The following ABCC9 variants were observed in gnomAD, a reference collection of about 807,000 sequenced individuals.
The protein encoded by ABCC9 is ATP binding cassette subfamily C member 9.
A neutral mutation model predicts 188.3 loss-of-function variants in ABCC9; 95 were observed. That is an observed-to-expected ratio of 0.50 (90% CI 0.43 to 0.60). The LOEUF is 0.60. Among genes scored for constraint, ABCC9 ranks in the 20% least tolerant of loss-of-function variants. The pLI is 0.00. For synonymous variants in ABCC9, 659 were observed against 652.7 expected, an observed-to-expected ratio of 1.01 and a Z score of -0.15; for missense variants, 1,102 against 1,876.3, an observed-to-expected ratio of 0.59 and a Z score of 7.62.
At chr12:21,917,233 GGT>G (rs1368346637) in intron 5 of ABCC9, 130 bp from the exon 6 acceptor site, 14 of 963,372 alleles carry the variant, frequency 1.5e-5, no homozygotes, top group Admixed American at 2.1e-5. Context: ...GGTTTTACTT[GGT>G]AAGAAAACAA....
intron 10 of ABCC9, 30 bp from the exon 11 acceptor site, chr12:21,908,241 G>T: frequency 1.2e-6 from 2 of 1,610,678 alleles, no homozygotes; most frequent in Non-Finnish European, 1.7e-6. Context: ...GAAAAGAGAA[G>T]ATGAATGGGT....
At chr12:21,815,608 A>C (rs1221311692) in intron 34 of ABCC9, among the ~76,000 whole-genome samples, 155 bp downstream of exon 34, 1 of 152,132 alleles carries the variant, frequency 6.6e-6, no homozygotes, top group Non-Finnish European at 1.5e-5. Context: ...GTCTGATCCT[A>C]TCTCTCCCTT....
Position 21,859,656 on chromosome 12 carries a change from A to C in ABCC9, c.2435T>G (p.Leu812Arg). The C allele has an allele frequency of 1.2e-6, 2 of 1,613,874 alleles. No individual in the cohort carries two copies. The highest frequency in any genetic ancestry group is 1.7e-6 in the Non-Finnish European group (2 of 1,179,824). The change falls in exon 22 of 40, where the codon CTG (leucine) becomes CGG (arginine). Residue 812 changes from leucine to arginine, a missense_variant. Around this residue, in one of 12 missense-constraint regions of ABCC9, gnomAD observed 31 missense variants for 78.8 expected, o/e 0.39. Coordinates refer to ENST00000261200, the MANE Select transcript of ABCC9 (RefSeq NM_020297.4). ...QTEIGERGINLSGGQRQRICV... is the reference protein window; with the variant it reads ...QTEIGERGINRSGGQRQRICV... ...GATTCTCTGCCTCTGTCCCCCACTC[A>C]GGTTGATGCCCTAGAGAAGAGACAC...
chr12:21,919,031 A>G (rs1948707554), intron 5 of ABCC9, among the ~76,000 whole-genome samples: 1 of 152,188 alleles, frequency 6.6e-6, no homozygotes, highest in Non-Finnish European at 1.5e-5. Context: ...CTACATATTT[A>G]AAATTCAAGA....
chr12:21,854,374 C>T (rs1400398819), intron 22 of ABCC9, among the ~76,000 whole-genome samples: 1 of 152,050 alleles, frequency 6.6e-6, no homozygotes, highest in Non-Finnish European at 1.5e-5. Context: ...ATTAACAAAG[C>T]ATTTTGATAG....
At chr12:21,804,397 C>T (rs1049253385) in intron 39 of ABCC9, among the ~76,000 whole-genome samples, 1 of 152,176 alleles carries the variant, frequency 6.6e-6, no homozygotes, top group Non-Finnish European at 1.5e-5. Flanking sequence ...GGTCTGTTTT[C>T]TCTCCCTCTC....
Position 21,916,917 on chromosome 12 carries a change from A to C in ABCC9, c.573+20T>G. 1 of 1,582,646 alleles carries C rather than the reference A, an allele frequency of 6.3e-7. No homozygotes were observed. Among genetic ancestry groups the C allele is most frequent in the Non-Finnish European group, 8.6e-7 (1 of 1,163,932 alleles). Reference sequence around the variant, plus strand: ...GGGTCTTGAATCCAAGTAACTAAACAAAAGCCATTAGCTACCTACCCTGAC... The same window carrying C: ...GGGTCTTGAATCCAAGTAACTAAACCAAAGCCATTAGCTACCTACCCTGAC... On this transcript the variant is annotated intron_variant, in intron 6 of 39. Coordinates refer to ENST00000261200, the MANE Select transcript of ABCC9 (RefSeq NM_020297.4).
At chr12:21,866,448 C>T (rs572551636) in intron 18 of ABCC9, among the ~76,000 whole-genome samples, 1 of 152,294 alleles carries the variant, frequency 6.6e-6, no homozygotes, top group East Asian at 1.9e-4. Context: ...TTATAAAACA[C>T]TGTACTTCTT....
At chr12:21,920,896 A>G (rs542840893) in intron 5 of ABCC9, among the ~76,000 whole-genome samples, 3 of 152,122 alleles carry the variant, frequency 2.0e-5, no homozygotes, top group Middle Eastern at 3.4e-3. Context: ...AAATGACAGG[A>G]TCTTATTCTT....
intron 30 of ABCC9, among the ~76,000 whole-genome samples, chr12:21,832,276 C>T (rs555963179): frequency 1.2e-4 from 19 of 152,222 alleles, no homozygotes; most frequent in Middle Eastern, 3.4e-3. Context: ...GAGTACACCA[C>T]GAACCCTCAA....
At chr12:21,827,869 G>C (rs1389523890) in intron 31 of ABCC9, among the ~76,000 whole-genome samples, 1 of 152,164 alleles carries the variant, frequency 6.6e-6, no homozygotes, top group Non-Finnish European at 1.5e-5. Context: ...CTGTAAACCA[G>C]TGAGAAATCA....
chr12:21,825,487 T>C (rs1018679382), intron 31 of ABCC9, among the ~76,000 whole-genome samples: 7 of 152,114 alleles, frequency 4.6e-5, no homozygotes, highest in Non-Finnish European at 1.0e-4. Context: ...GTTTATGTCC[T>C]TTGTAGGGAC....
intron 35 of ABCC9, 52 bp from the exon 36 acceptor site, chr12:21,812,209 T>C (rs1942289442): frequency 7.8e-7 from 1 of 1,278,214 alleles, no homozygotes; most frequent in African/African-American, 1.5e-5. Flanking sequence ...ACAAGTAAAA[T>C]AATATTTGTT....
At chr12:21,865,161 C>G (rs954140707) in intron 18 of ABCC9, among the ~76,000 whole-genome samples, 2 of 152,092 alleles carry the variant, frequency 1.3e-5, no homozygotes, top group Non-Finnish European at 2.9e-5. Context: ...CAATAACATA[C>G]ACATTACAGA....
rs75869730 is a variant in ABCC9 at position 21,915,229 on chromosome 12, G to A, written c.816+439C>T. On this transcript the variant is annotated intron_variant, in intron 7 of 39. Coordinates refer to ENST00000261200, the MANE Select transcript of ABCC9 (RefSeq NM_020297.4). ...GCTTTGTGTCTTTATATATATATGT[G>A]TGTGTGTGTGTGTGTGTGTGTGTGT... Among the ~76,000 whole-genome samples, 457 of 77,892 alleles carry A rather than the reference G, an allele frequency of 5.9e-3. 3 individuals carry two copies. Among genetic ancestry groups the A allele is most frequent in the African/African-American group, 0.016 (365 of 22,348 alleles). 51.1% of individuals were successfully genotyped at this position (77,892 alleles called of 152,430 possible).
intron 12 of ABCC9, among the ~76,000 whole-genome samples, chr12:21,895,805 A>G (rs1008026365): frequency 2.0e-5 from 3 of 152,188 alleles, no homozygotes; most frequent in African/African-American, 7.2e-5. Context: ...ATAACTCCAT[A>G]TCCTGGACTC....
At chr12:21,805,707 GAACTACCAT>G (rs1303413133) in intron 39 of ABCC9, among the ~76,000 whole-genome samples, 1 of 152,138 alleles carries the variant, frequency 6.6e-6, no homozygotes, top group East Asian at 1.9e-4. Flanking sequence ...TATTTTATAT[GAACTACCAT>G]TTTATCTGGT....
At chr12:21,830,135 T>C (rs1022664075) in intron 30 of ABCC9, among the ~76,000 whole-genome samples, 2 of 152,210 alleles carry the variant, frequency 1.3e-5, no homozygotes, top group Non-Finnish European at 2.9e-5. Flanking sequence ...CACACCAAAT[T>C]CTGTGTAACC....
chr12:21,834,788 C>T (rs28542569), intron 30 of ABCC9, among the ~76,000 whole-genome samples: 3,378 of 27,942 alleles, frequency 0.12, 119 homozygotes, highest in Admixed American at 0.3. Flanking sequence ...TAACATTATA[C>T]ACACACACAC....
Sources: allele counts gnomAD v4.1 joint callset (sites outside exome capture counted in the v4.1 genomes callset), GRCh38; gene constraint gnomAD v4.1.1; regional missense constraint gnomAD v4.1.1; transcripts MANE v1.5; gene names NCBI Gene and HGNC (gene_info 2026-07-23, HGNC 2026-07-21).